The following STXBP5 variants were observed in gnomAD, a reference collection of about 807,000 sequenced individuals.
The protein encoded by STXBP5 is syntaxin binding protein 5.
Under a neutral mutation model 152.4 loss-of-function variants are expected in STXBP5, and 50 were observed. The ratio of observed to expected loss-of-function variants is 0.33; its 90% CI spans 0.26 to 0.42. The LOEUF (loss-of-function observed/expected upper bound fraction) is 0.42, where lower values mean the gene tolerates loss of function less well. STXBP5 is among the 10% of genes least tolerant of loss of function. STXBP5 has a pLI of 1.00. For missense variants in STXBP5, 1,167 were observed against 1,388.6 expected (o/e 0.84, Z 2.54); for synonymous variants, 492 against 494.7 (o/e 0.99, Z 0.07).
At chr6:147,381,860 A>G (rs1786101598) in intron 26 of STXBP5, among the ~76,000 whole-genome samples, 1 of 152,130 alleles carries the variant, frequency 6.6e-6, no homozygotes, top group Non-Finnish European at 1.5e-5. Context: ...TAGATTAGTG[A>G]TTGCCAAGAA....
intron 9 of STXBP5, among the ~76,000 whole-genome samples, chr6:147,302,999 G>T (rs1781902461): frequency 6.6e-6 from 1 of 152,062 alleles, no homozygotes; most frequent in African/African-American, 2.4e-5. Context: ...AATTTCCCAT[G>T]GTGAAATTTT....
intron 2 of STXBP5, among the ~76,000 whole-genome samples, chr6:147,234,084 T>C (rs1778151866): frequency 6.6e-6 from 1 of 151,662 alleles, no homozygotes; most frequent in Admixed American, 6.6e-5. Flanking sequence ...ATTAAACCTA[T>C]GGCACAATTT....
intron 7 of STXBP5, among the ~76,000 whole-genome samples, chr6:147,275,434 CTTTT>C (rs1176972953): frequency 2.1e-5 from 3 of 145,324 alleles, no homozygotes; most frequent in African/African-American, 7.7e-5. Context: ...TTTTGTATGT[CTTTT>C]ATTTATTGTG....
chr6:147,297,196 TA>T (rs2128357992), intron 9 of STXBP5, among the ~76,000 whole-genome samples: 1 of 152,278 alleles, frequency 6.6e-6, no homozygotes, highest in Non-Finnish European at 1.5e-5. Flanking sequence ...AAGAGAATTC[TA>T]AAAGCAGAAA....
At chr6:147,232,016 T>C (rs1778030810) in intron 2 of STXBP5, among the ~76,000 whole-genome samples, 1 of 151,928 alleles carries the variant, frequency 6.6e-6, no homozygotes, top group Non-Finnish European at 1.5e-5. Context: ...TACATTGTCT[T>C]AAATAATAAT....
At chr6:147,239,131 ATATAT>A in intron 3 of STXBP5, 34 bp from the exon 4 acceptor site, 6 of 1,554,192 alleles carry the variant, frequency 3.9e-6, no homozygotes, top group South Asian at 1.2e-5. Flanking sequence ...TGTTTATAAA[ATATAT>A]TATACATGAA....
chr6:147,208,662 T>C (rs1179999314), intron 2 of STXBP5, among the ~76,000 whole-genome samples: 1 of 152,168 alleles, frequency 6.6e-6, no homozygotes, highest in Non-Finnish European at 1.5e-5. Flanking sequence ...TCCTTGCAGA[T>C]TGAAAAGTAG....
chr6:147,300,739 C>G (rs907316993), intron 9 of STXBP5, among the ~76,000 whole-genome samples: 2 of 151,968 alleles, frequency 1.3e-5, no homozygotes, highest in African/African-American at 4.8e-5. Context: ...CGATATGGGA[C>G]TGGGCAAAGA....
At chr6:147,342,843 T>C (rs998146348) in intron 21 of STXBP5, among the ~76,000 whole-genome samples, 1 of 152,152 alleles carries the variant, frequency 6.6e-6, no homozygotes, top group Non-Finnish European at 1.5e-5. Flanking sequence ...CATTGTTTGA[T>C]AAATTTGAAA....
At chr6:147,247,626 G>A (rs568540765) in intron 4 of STXBP5, among the ~76,000 whole-genome samples, 33 of 152,124 alleles carry the variant, frequency 2.2e-4, no homozygotes, top group Non-Finnish European at 4.3e-4. Context: ...TCCATAGTAA[G>A]GAGTCTCTTT....
At chr6:147,337,588 T>G (rs1582964319) in intron 19 of STXBP5, among the ~76,000 whole-genome samples, 1 of 152,034 alleles carries the variant, frequency 6.6e-6, no homozygotes, top group African/African-American at 2.4e-5. Flanking sequence ...TGTATAGATA[T>G]GTTATCCTGC....
At chr6:147,293,118 C>T (rs1781359063) in intron 9 of STXBP5, 1 of 152,012 alleles carries the variant, frequency 6.6e-6, no homozygotes, top group Non-Finnish European at 1.5e-5. Flanking sequence ...AGGTTTGTAA[C>T]CTAGGAGTAA....
intron 2 of STXBP5, among the ~76,000 whole-genome samples, chr6:147,234,760 T>A (rs1329994469): frequency 6.6e-6 from 1 of 151,976 alleles, no homozygotes; most frequent in Non-Finnish European, 1.5e-5. Flanking sequence ...GGTTCTTCAT[T>A]ATATTTTTAG....
intron 5 of STXBP5, among the ~76,000 whole-genome samples, chr6:147,261,359 G>A (rs1370050032): frequency 6.6e-6 from 1 of 151,848 alleles, no homozygotes; most frequent in Non-Finnish European, 1.5e-5. Flanking sequence ...TCTTCACTCT[G>A]TCTTAAATTT....
intron 17 of STXBP5, among the ~76,000 whole-genome samples, chr6:147,326,263 A>G (rs1040682073): frequency 1.3e-5 from 2 of 152,258 alleles, no homozygotes; most frequent in Non-Finnish European, 2.9e-5. Context: ...GGAAATAAGA[A>G]AAAGAACCAA....
At chr6:147,291,340 A>G (rs1781266497) in intron 9 of STXBP5, among the ~76,000 whole-genome samples, 168 bp downstream of exon 9, 1 of 152,158 alleles carries the variant, frequency 6.6e-6, no homozygotes, top group Non-Finnish European at 1.5e-5. Context: ...AATTTAGGAT[A>G]AAATACTTTT....
chr6:147,281,520 T>G (rs1051154831), intron 8 of STXBP5, among the ~76,000 whole-genome samples: 1 of 152,256 alleles, frequency 6.6e-6, no homozygotes, highest in African/African-American at 2.4e-5. Flanking sequence ...TACTATTGTC[T>G]GTTGTGGTTT....
intron 21 of STXBP5, among the ~76,000 whole-genome samples, chr6:147,342,544 G>C (rs1172091774): frequency 6.6e-6 from 1 of 152,114 alleles, no homozygotes; most frequent in Non-Finnish European, 1.5e-5. Context: ...ATGGTAATTT[G>C]TTTTGCCTGT....
intron 3 of STXBP5, among the ~76,000 whole-genome samples, chr6:147,235,944 A>G (rs1184942643): frequency 6.6e-6 from 1 of 152,166 alleles, no homozygotes; most frequent in East Asian, 1.9e-4. Context: ...AGAGAGGGAA[A>G]GCTAGTCGTA....
Sources: allele counts gnomAD v4.1 joint callset (sites outside exome capture counted in the v4.1 genomes callset), GRCh38; gene constraint gnomAD v4.1.1; transcripts MANE v1.5; gene names NCBI Gene and HGNC (gene_info 2026-07-23, HGNC 2026-07-21).